The following DPH6 variants were observed in gnomAD, a reference collection of about 807,000 sequenced individuals.
The protein encoded by DPH6 is diphthine--ammonia ligase.
In DPH6, 33 loss-of-function variants were observed where a neutral mutation model predicts 38.2. The ratio of observed to expected loss-of-function variants is 0.86; its 90% CI spans 0.65 to 1.15. The LOEUF (loss-of-function observed/expected upper bound fraction) is 1.15. DPH6 is among the 50% of genes most tolerant of loss of function. DPH6 has a pLI of 0.00. For synonymous variants in DPH6, 108 were observed against 103.0 expected (o/e 1.05, Z -0.30); for missense variants, 325 against 320.0 (o/e 1.02, Z -0.12).
chr15:35,382,883 A>G (rs2052890602), intron 6 of DPH6, among the ~76,000 whole-genome samples: 1 of 152,094 alleles, frequency 6.6e-6, no homozygotes, highest in South Asian at 2.1e-4. Context: ...CAAAACACAA[A>G]AAAACCTATG....
Position 35,450,816 on chromosome 15 carries a change from A to G in DPH6, c.387-13T>C, listed in dbSNP as rs1223308968. The G allele has an allele frequency of 6.4e-7, 1 of 1,572,704 alleles. No individual in the cohort carries two copies. Among genetic ancestry groups the G allele is most frequent in the South Asian group, 1.2e-5 (1 of 85,632 alleles). On this transcript the variant is annotated splice_polypyrimidine_tract_variant and intron_variant, in intron 4 of 8. Coordinates refer to ENST00000256538, the MANE Select transcript of DPH6 (RefSeq NM_080650.4). ...AAGCCTTTTACACCTACAAAAGAAA[A>G]AGAAAAAGAAAGTCAGATGATCTCT...
At chr15:35,477,902 C>T (rs376513119) in intron 3 of DPH6, among the ~76,000 whole-genome samples, 4 of 151,930 alleles carry the variant, frequency 2.6e-5, no homozygotes, top group Middle Eastern at 3.4e-3. Context: ...CAGTAAATTA[C>T]CCTGTAGCTA....
At chr15:35,435,581 T>C (rs1255509737) in intron 5 of DPH6, among the ~76,000 whole-genome samples, 2 of 152,114 alleles carry the variant, frequency 1.3e-5, no homozygotes, top group African/African-American at 4.8e-5. Context: ...ATTCAATCTG[T>C]GATGTGGGTG....
At chr15:35,499,707 T>C (rs941530813) in intron 3 of DPH6, among the ~76,000 whole-genome samples, 7 of 152,200 alleles carry the variant, frequency 4.6e-5, no homozygotes, top group Admixed American at 3.9e-4. Flanking sequence ...AGGGAAATAC[T>C]AGTTCCAGCA....
At chr15:35,362,651 T>C (rs1053502951) in intron 3 of DPH6, among the ~76,000 whole-genome samples, 3 of 152,230 alleles carry the variant, frequency 2.0e-5, no homozygotes, top group South Asian at 2.1e-4. Context: ...CCTTTAGTCA[T>C]TGCCCCAAAG....
At chr15:35,232,604 C>CAA in intron 3 of DPH6, among the ~76,000 whole-genome samples, 1 of 150,902 alleles carries the variant, frequency 6.6e-6, no homozygotes, top group East Asian at 1.9e-4. Context: ...AAAACAAAAA[C>CAA]AAACAAACAA....
At chr15:35,530,633 AATG>A (rs1207366969) in intron 3 of DPH6, among the ~76,000 whole-genome samples, 1 of 152,194 alleles carries the variant, frequency 6.6e-6, no homozygotes, top group Non-Finnish European at 1.5e-5. Context: ...GAAGAGACAG[AATG>A]ATGATTTTGC....
At chr15:35,534,864 A>G (rs1317685478) in intron 3 of DPH6, among the ~76,000 whole-genome samples, 2 of 152,196 alleles carry the variant, frequency 1.3e-5, no homozygotes, top group South Asian at 2.1e-4. Context: ...AAAAATGGCT[A>G]TGGCAGTTTT....
chr15:35,355,307 T>G (rs909662379), intron 3 of DPH6, among the ~76,000 whole-genome samples: 1 of 152,226 alleles, frequency 6.6e-6, no homozygotes, highest in African/African-American at 2.4e-5. Flanking sequence ...TATTGTTATG[T>G]GTGAATTTGA....
At chr15:35,337,699 A>T (rs1476834325) in intron 3 of DPH6, among the ~76,000 whole-genome samples, 3 of 152,162 alleles carry the variant, frequency 2.0e-5, no homozygotes, top group Non-Finnish European at 4.4e-5. Flanking sequence ...TTCATGTGGA[A>T]CCAAAAAAGA....
chr15:35,486,398 AG>A (rs1243645305), intron 3 of DPH6, among the ~76,000 whole-genome samples: 1 of 152,146 alleles, frequency 6.6e-6, no homozygotes, highest in African/African-American at 2.4e-5. Flanking sequence ...ACTGATTCAC[AG>A]GTCTGCATGG....
the DPH6 span, among the ~76,000 whole-genome samples, chr15:35,196,363 C>G: frequency 6.6e-6 from 1 of 151,958 alleles, no homozygotes; most frequent in Non-Finnish European, 1.5e-5. Context: ...ACTAGGAAAT[C>G]CTTGATAGAG....
chr15:35,502,408 C>T (rs530830328), intron 3 of DPH6, among the ~76,000 whole-genome samples: 107 of 152,134 alleles, frequency 7.0e-4, no homozygotes, highest in African/African-American at 2.5e-3. Context: ...TTACTACTGC[C>T]AACCACTGTT....
intron 3 of DPH6, among the ~76,000 whole-genome samples, chr15:35,305,651 A>G (rs1017813617): frequency 6.6e-6 from 1 of 152,204 alleles, no homozygotes; most frequent in African/African-American, 2.4e-5. Context: ...AAAAAGCACG[A>G]AAGATCTTTA....
At chr15:35,299,000 ACTC>A (rs2052034931) in intron 3 of DPH6, 3 of 743,972 alleles carry the variant, frequency 4.0e-6, no homozygotes, top group South Asian at 1.5e-5. Context: ...CCGGATCTGA[ACTC>A]CTTGAAAACT....
At chr15:35,483,102 T>C (rs865778158) in intron 3 of DPH6, among the ~76,000 whole-genome samples, 13 of 152,062 alleles carry the variant, frequency 8.5e-5, no homozygotes, top group Non-Finnish European at 1.8e-4. Flanking sequence ...CACCAAAAAA[T>C]ACAGATGAAT....
At chr15:35,214,402 ATTTTCCTCCTTCTCATGT>A (rs1364248820), downstream of DPH6, among the ~76,000 whole-genome samples, 1 of 152,034 alleles carries the variant, frequency 6.6e-6, no homozygotes, top group Non-Finnish European at 1.5e-5. Context: ...GTAAGGAAGG[ATTTTCCTCCTTCTCATGT>A]TTTTATGTTG....
intron 3 of DPH6, among the ~76,000 whole-genome samples, chr15:35,460,226 C>A (rs1018275605): frequency 1.3e-5 from 2 of 151,636 alleles, no homozygotes; most frequent in Non-Finnish European, 2.9e-5. Context: ...AATTTCAGAT[C>A]CTCAGAGGAA....
the DPH6 span, among the ~76,000 whole-genome samples, chr15:35,174,827 G>C: frequency 1.3e-5 from 2 of 152,120 alleles, no homozygotes; most frequent in African/African-American, 4.8e-5. Context: ...AAAAATTAAG[G>C]TGACATGTAG....
Sources: allele counts gnomAD v4.1 joint callset (sites outside exome capture counted in the v4.1 genomes callset), GRCh38; gene constraint gnomAD v4.1.1; transcripts MANE v1.5; gene names NCBI Gene and HGNC (gene_info 2026-07-23, HGNC 2026-07-21).